Variants in ARHGAP42 observed in about 807,000 individuals in gnomAD.
ARHGAP42 encodes the protein rho GTPase-activating protein 42.
ARHGAP42 carries 63 observed loss-of-function variants against 125.0 expected under a neutral mutation model. The ratio of observed to expected loss-of-function variants is 0.50; its 90% CI spans 0.41 to 0.62. The LOEUF is 0.62. Among genes scored for constraint, ARHGAP42 ranks in the 20% least tolerant of loss-of-function variants. The probability of loss-of-function intolerance (pLI) is 0.00; values close to 1 mark genes in which losing one functional copy is unlikely to be tolerated. For synonymous variants in ARHGAP42, 339 were observed against 351.0 expected (o/e 0.97, Z 0.38); for missense variants, 766 against 1,024.2 (o/e 0.75, Z 3.44).
rs907835263 is a variant in ARHGAP42 at position 100,973,327 on chromosome 11, A to G, written c.1703A>G (p.Tyr568Cys). ...GTGGTAGAAATTCTGATAGAGCACT[A>G]TGAAAAGGTAGGCGGAATTTTCATG... is the stretch of plus-strand genomic sequence containing the variant. ...NIVVEILIEH[Y>C]EKIFHTAPDP... is the part of the protein sequence containing the mutation. Residue 568 changes from tyrosine (Y) to cysteine (C), a missense_variant, in exon 18 of 24, where the codon TAT becomes TGT. Transcript: ENST00000298815. 1 of 1,548,838 alleles carries G rather than the reference A, an allele frequency of 6.5e-7. No individual in the cohort carries two copies. The highest frequency in any genetic ancestry group is 8.7e-7 in the Non-Finnish European group (1 of 1,146,166).
At chr11:100,905,361 A>G (rs1445245033) in intron 4 of ARHGAP42, among the ~76,000 whole-genome samples, 1 of 152,216 alleles carries the variant, frequency 6.6e-6, no homozygotes, top group Non-Finnish European at 1.5e-5. Context: ...ATATGATTAG[A>G]TTATTGAAAA....
chr11:100,735,558 A>G (rs1478109558), intron 1 of ARHGAP42, among the ~76,000 whole-genome samples: 3 of 151,970 alleles, frequency 2.0e-5, no homozygotes, highest in Non-Finnish European at 4.4e-5. Flanking sequence ...AGAAATATGA[A>G]AAAACTGGGG....
chr11:100,927,100 A>G (rs1053818334), intron 6 of ARHGAP42, among the ~76,000 whole-genome samples: 12 of 152,182 alleles, frequency 7.9e-5, no homozygotes, highest in Admixed American at 2.6e-4. Context: ...AAATTTGCCT[A>G]ATTTGCTAAC....
intron 1 of ARHGAP42, among the ~76,000 whole-genome samples, chr11:100,713,354 C>G (rs901973332): frequency 3.3e-5 from 5 of 152,126 alleles, no homozygotes; most frequent in Non-Finnish European, 7.3e-5. Flanking sequence ...ACTTGGAAAT[C>G]ATGAAACAAA....
intron 2 of ARHGAP42, among the ~76,000 whole-genome samples, chr11:100,784,339 T>A (rs1863383021): frequency 6.6e-6 from 1 of 152,178 alleles, no homozygotes; most frequent in Admixed American, 6.5e-5. Flanking sequence ...TTGAATTGGA[T>A]AATGACATGA....
intron 3 of ARHGAP42, among the ~76,000 whole-genome samples, chr11:100,798,591 A>G (rs1312678090): frequency 5.9e-5 from 9 of 152,362 alleles, no homozygotes; most frequent in Admixed American, 5.2e-4. Context: ...GTAGACTACA[A>G]TATTACATAA....
In ARHGAP42 at chr11:100,973,344, A is replaced by C; in HGVS notation, c.1710+10A>C. The C allele has an allele frequency of 6.5e-7, 1 of 1,547,732 alleles. No individual in the cohort carries two copies. The highest frequency in any genetic ancestry group is 8.7e-7 in the Non-Finnish European group (1 of 1,145,806). On this transcript the variant is annotated intron_variant, in intron 18 of 23. Coordinates refer to ENST00000298815, the MANE Select transcript of ARHGAP42 (RefSeq NM_152432.4). Reference sequence around the variant, plus strand: ...AGAGCACTATGAAAAGGTAGGCGGAATTTTCATGTGGAAGTGTCAAGTTTT... The same window carrying C: ...AGAGCACTATGAAAAGGTAGGCGGACTTTTCATGTGGAAGTGTCAAGTTTT...
chr11:100,896,086 T>C (rs1312270722), intron 4 of ARHGAP42, among the ~76,000 whole-genome samples: 1 of 152,124 alleles, frequency 6.6e-6, no homozygotes, highest in Non-Finnish European at 1.5e-5. Flanking sequence ...AGTGAGAACA[T>C]GCGGTGTTTG....
chr11:100,815,534 T>C (rs1333759544), intron 3 of ARHGAP42, among the ~76,000 whole-genome samples: 2 of 152,218 alleles, frequency 1.3e-5, no homozygotes, highest in African/African-American at 2.4e-5. Flanking sequence ...AGTTCCCAGA[T>C]AGATGTGCAG....
chr11:100,716,727 G>T (rs73003846), intron 1 of ARHGAP42, among the ~76,000 whole-genome samples: 2,746 of 152,210 alleles, frequency 0.018, 27 homozygotes, highest in Non-Finnish European at 0.027. Context: ...CTGCAAAAAA[G>T]AAATTAATTA....
At chr11:100,704,732 G>T (rs531584575) in intron 1 of ARHGAP42, among the ~76,000 whole-genome samples, 2 of 152,076 alleles carry the variant, frequency 1.3e-5, no homozygotes, top group African/African-American at 4.8e-5. Flanking sequence ...ACCAAGGAGG[G>T]AGGATCTCTT....
intron 1 of ARHGAP42, among the ~76,000 whole-genome samples, chr11:100,723,958 A>T (rs1384940726): frequency 6.6e-6 from 1 of 152,096 alleles, no homozygotes; most frequent in Non-Finnish European, 1.5e-5. Flanking sequence ...GAGAGTTTTT[A>T]TTATGAATTG....
At position 100,924,588 on chromosome 11, in the gene ARHGAP42, A is replaced by G. The variant is rs190787570; in HGVS notation, c.597+2984A>G. ...AAGCTGAGGCACGAGAATTGTTTGAACCTGGGAGATGGAGGTTGCAGTGAT... is the reference window on the plus strand; with the variant it reads ...AAGCTGAGGCACGAGAATTGTTTGAGCCTGGGAGATGGAGGTTGCAGTGAT... On this transcript the variant is annotated intron_variant, in intron 6 of 23. Transcript: ENST00000298815. Among the ~76,000 whole-genome samples the G allele has an allele frequency of 1.8e-3, 269 of 151,926 alleles. 2 individuals are homozygous for G. Among genetic ancestry groups the G allele is most frequent in the South Asian group, 0.016 (79 of 4,792 alleles).
chr11:100,777,241 C>G (rs1160129062), intron 2 of ARHGAP42, among the ~76,000 whole-genome samples: 1 of 152,160 alleles, frequency 6.6e-6, no homozygotes, highest in African/African-American at 2.4e-5. Context: ...ACTATGTCTT[C>G]CTGTGCTGGC....
At chr11:100,729,339 C>G (rs1322063166) in intron 1 of ARHGAP42, among the ~76,000 whole-genome samples, 1 of 151,510 alleles carries the variant, frequency 6.6e-6, no homozygotes, top group Non-Finnish European at 1.5e-5. Flanking sequence ...ATTAATATAT[C>G]TAAATTTTGT....
At chr11:100,872,299 C>G (rs1591256629) in intron 4 of ARHGAP42, among the ~76,000 whole-genome samples, 1 of 152,148 alleles carries the variant, frequency 6.6e-6, no homozygotes, top group East Asian at 1.9e-4. Context: ...CCTTAAGGAA[C>G]AGCTTTTTGA....
At position 100,746,766 on chromosome 11, in the gene ARHGAP42, T is replaced by C. The variant is rs1034953668; in HGVS notation, c.155-23577T>C. Among the ~76,000 whole-genome samples the C allele has an allele frequency of 3.3e-5, 5 of 152,246 alleles. No homozygotes were observed. In the East Asian group the frequency reaches 9.6e-4, roughly 29 times the overall value. ...CTCTGCTCCTAAACCATAGAAGCGCTCTAAAGTGGTGTTAGAGTTGCTAGT... is the reference window on the plus strand; with the variant it reads ...CTCTGCTCCTAAACCATAGAAGCGCCCTAAAGTGGTGTTAGAGTTGCTAGT... On this transcript the variant is annotated intron_variant, in intron 1 of 23. Coordinates refer to ENST00000298815, the MANE Select transcript of ARHGAP42 (RefSeq NM_152432.4).
chr11:100,988,259 A>G (rs928602433), intron 23 of ARHGAP42, among the ~76,000 whole-genome samples: 4 of 152,218 alleles, frequency 2.6e-5, no homozygotes, highest in African/African-American at 9.6e-5. Context: ...TGCAAAGGAC[A>G]TTCCAACTTT....
At chr11:100,766,630 G>T (rs772156601) in intron 1 of ARHGAP42, among the ~76,000 whole-genome samples, 2 of 152,168 alleles carry the variant, frequency 1.3e-5, no homozygotes, top group Non-Finnish European at 2.9e-5. Flanking sequence ...GAATTGCACA[G>T]TCAGTAGGAG....
Sources: allele counts gnomAD v4.1 joint callset (sites outside exome capture counted in the v4.1 genomes callset), GRCh38; gene constraint gnomAD v4.1.1; transcripts MANE v1.5; gene names NCBI Gene and HGNC (gene_info 2026-07-23, HGNC 2026-07-21).